Variants in DLG2 observed in about 807,000 individuals in gnomAD.
DLG2 encodes disks large homolog 2.
In DLG2, 45 loss-of-function variants were observed where a neutral mutation model predicts 132.5. That is an observed-to-expected ratio of 0.34 (90% CI 0.27 to 0.44). DLG2 has a LOEUF of 0.44. Among genes scored for constraint, DLG2 ranks in the 20% least tolerant of loss-of-function variants. The pLI is 1.00. For missense variants in DLG2, 1,045 were observed against 1,196.9 expected, an observed-to-expected ratio of 0.87 and a Z score of 1.87; for synonymous variants, 424 against 419.6, an observed-to-expected ratio of 1.01 and a Z score of -0.13.
chr11:85,506,116 CTTT>C (rs2093926954), intron 3 of DLG2, among the ~76,000 whole-genome samples: 1 of 152,026 alleles, frequency 6.6e-6, no homozygotes, highest in Admixed American at 6.6e-5. Flanking sequence ...CTCTTTTCTT[CTTT>C]ATTAGTCTGG....
At chr11:85,259,746 T>C (rs1373347298) in intron 4 of DLG2, among the ~76,000 whole-genome samples, 1 of 152,018 alleles carries the variant, frequency 6.6e-6, no homozygotes, top group Non-Finnish European at 1.5e-5. Context: ...CCAAATCCCC[T>C]GGCCAGAAAT....
At chr11:85,028,076 C>A (rs980400786) in intron 6 of DLG2, among the ~76,000 whole-genome samples, 5 of 152,160 alleles carry the variant, frequency 3.3e-5, no homozygotes, top group Non-Finnish European at 5.9e-5. Flanking sequence ...GTGGGTAGCT[C>A]CTTTCTGCAG....
intron 3 of DLG2, among the ~76,000 whole-genome samples, chr11:85,412,007 A>G (rs2089354050): frequency 6.6e-6 from 1 of 151,796 alleles, no homozygotes; most frequent in African/African-American, 2.4e-5. Context: ...TGTATCACCA[A>G]TGTGTTTTTG....
In DLG2 at chr11:84,687,513, A is replaced by G. The variant is rs184214859; in HGVS notation, c.358-152782T>C. 2.0e-5 allele frequency among the ~76,000 whole-genome samples: 3 copies of G among 152,160 alleles called. No individual in the cohort carries two copies. In the East Asian group the frequency reaches 5.8e-4, roughly 29 times the overall value. The stretch of plus-strand genomic sequence containing the variant: ...ATGGGTACCTCAATTAGTATCATTT[A>G]CTCTTATTAAAAACACCTGTCTTTC... On this transcript the variant is annotated intron_variant, in intron 6 of 27. Coordinates refer to ENST00000376104, the MANE Select transcript of DLG2 (RefSeq NM_001142699.3).
intron 6 of DLG2, among the ~76,000 whole-genome samples, chr11:84,562,580 C>T (rs541181450): frequency 6.6e-6 from 1 of 152,206 alleles, no homozygotes; most frequent in East Asian, 1.9e-4. Flanking sequence ...TGAGTCCCTT[C>T]TTAAAACTAA....
intron 6 of DLG2, among the ~76,000 whole-genome samples, chr11:84,781,856 A>G (rs902495070): frequency 1.3e-5 from 2 of 152,148 alleles, no homozygotes; most frequent in Non-Finnish European, 2.9e-5. Context: ...AAGCCTACCC[A>G]TGCAGCTTCT....
intron 6 of DLG2, among the ~76,000 whole-genome samples, chr11:85,065,568 T>A (rs1201254384): frequency 6.6e-6 from 1 of 151,188 alleles, no homozygotes; most frequent in Admixed American, 6.6e-5. Flanking sequence ...ATTAAAAATT[T>A]TTTTTATTAT....
intron 6 of DLG2, among the ~76,000 whole-genome samples, chr11:84,666,751 A>C (rs986036019): frequency 3.3e-5 from 5 of 152,060 alleles, no homozygotes; most frequent in African/African-American, 1.2e-4. Context: ...CACACTCAGA[A>C]ATTTTTTTGA....
chr11:83,605,040 T>TGAGAGAGAGA, intron 19 of DLG2, among the ~76,000 whole-genome samples: 1 of 83,266 alleles, frequency 1.2e-5, no homozygotes, highest in Non-Finnish European at 2.5e-5. Flanking sequence ...AGAGAGAGAT[T>TGAGAGAGAGA]GATTGATTCA....
chr11:85,349,003 G>A (rs2083075704), intron 3 of DLG2, among the ~76,000 whole-genome samples: 1 of 152,218 alleles, frequency 6.6e-6, no homozygotes. Flanking sequence ...CCAACTGAAT[G>A]GACTCCTCCT....
At chr11:83,880,727 T>A (rs2065994032) in intron 15 of DLG2, among the ~76,000 whole-genome samples, 1 of 152,194 alleles carries the variant, frequency 6.6e-6, no homozygotes, top group Non-Finnish European at 1.5e-5. Flanking sequence ...TAGAAAAATA[T>A]AATTGAATTT....
intron 6 of DLG2, among the ~76,000 whole-genome samples, chr11:84,561,852 T>A: frequency 6.6e-6 from 1 of 152,224 alleles, no homozygotes; most frequent in East Asian, 1.9e-4. Context: ...GACTTCTTTT[T>A]TTAACTTCCT....
chr11:85,016,902 AC>A (rs71036456), intron 6 of DLG2, among the ~76,000 whole-genome samples: 14,418 of 151,868 alleles, frequency 0.095, 950 homozygotes, highest in Non-Finnish European at 0.14. Flanking sequence ...GCCTTTTCCT[AC>A]TCTCTTCTGT....
At chr11:85,550,383 G>T (rs142656587) in intron 3 of DLG2, among the ~76,000 whole-genome samples, 1 of 152,250 alleles carries the variant, frequency 6.6e-6, no homozygotes, top group African/African-American at 2.4e-5. Flanking sequence ...CACGGGGCCT[G>T]CATGGAGTTT....
intron 9 of DLG2, among the ~76,000 whole-genome samples, chr11:84,152,872 T>C (rs1447638116): frequency 2.0e-5 from 3 of 152,204 alleles, no homozygotes; most frequent in African/African-American, 7.2e-5. Context: ...TATAGATATA[T>C]GAAGTTTTGA....
intron 7 of DLG2, among the ~76,000 whole-genome samples, chr11:84,519,253 G>A (rs2099285934): frequency 6.6e-6 from 1 of 152,126 alleles, no homozygotes; most frequent in Non-Finnish European, 1.5e-5. Context: ...ATATTTCTAT[G>A]AAGAGTCTAG....
intron 7 of DLG2, among the ~76,000 whole-genome samples, chr11:84,434,359 A>T (rs1156791061): frequency 6.6e-6 from 1 of 152,162 alleles, no homozygotes; most frequent in Non-Finnish European, 1.5e-5. Flanking sequence ...AGAAAAGATG[A>T]GTAACCTTAT....
At chr11:83,816,155 C>T (rs981267028) in intron 17 of DLG2, among the ~76,000 whole-genome samples, 2 of 152,142 alleles carry the variant, frequency 1.3e-5, no homozygotes, top group Non-Finnish European at 2.9e-5. Flanking sequence ...GAACATATAG[C>T]TTAGATAGAG....
At chr11:84,879,789 T>C (rs1199892831) in intron 6 of DLG2, among the ~76,000 whole-genome samples, 1 of 152,116 alleles carries the variant, frequency 6.6e-6, no homozygotes, top group African/African-American at 2.4e-5. Context: ...TATTACAAAG[T>C]TTTAAATCTA....
Sources: gnomAD v4.1 joint callset for allele counts (sites outside exome capture counted in the v4.1 genomes callset) on GRCh38, gnomAD v4.1.1 for gene constraint, MANE v1.5 for transcripts, NCBI Gene and HGNC (gene_info 2026-07-23, HGNC 2026-07-21) for gene names.